The following SLC9A7 variants were observed in gnomAD, a reference collection of about 807,000 sequenced individuals.
SLC9A7 encodes solute carrier family 9 member A7.
SLC9A7 carries 19 observed loss-of-function variants against 52.6 expected under a neutral mutation model. The observed-to-expected ratio is 0.36, with a 90% CI of 0.25 to 0.53. The LOEUF (loss-of-function observed/expected upper bound fraction) is 0.53. SLC9A7 is among the 20% of genes least tolerant of loss of function. The pLI, the probability that SLC9A7 is intolerant of heterozygous loss-of-function variation, is 0.91. For synonymous variants in SLC9A7, 226 were observed against 252.1 expected, an observed-to-expected ratio of 0.90 and a Z score of 0.98; for missense variants, 455 against 597.9, an observed-to-expected ratio of 0.76 and a Z score of 2.49.
At chrX:46,669,572 C>T in intron 5 of SLC9A7, 35 bp downstream of exon 5, 1 of 767,864 alleles carries the variant, frequency 1.3e-6, no homozygotes, top group Non-Finnish European at 1.9e-6. Context: ...AATGGAATAT[C>T]ATAATAATAA....
At chrX:46,747,786 G>GT (rs1416991249) in intron 1 of SLC9A7, among the ~76,000 whole-genome samples, 1 of 111,667 alleles carries the variant, frequency 9.0e-6, no homozygotes, top group Non-Finnish European at 1.9e-5. Flanking sequence ...TACATGAAGG[G>GT]AAATACAAAT....
chrX:46,695,619 G>A (rs763832070), intron 1 of SLC9A7, among the ~76,000 whole-genome samples: 43 of 111,712 alleles, frequency 3.8e-4, no homozygotes, highest in Non-Finnish European at 7.7e-4. Flanking sequence ...AGGCTTTGTA[G>A]TCCCACTGCA....
intron 13 of SLC9A7, among the ~76,000 whole-genome samples, chrX:46,632,242 A>G (rs1198038678): frequency 8.9e-6 from 1 of 111,776 alleles, no homozygotes; most frequent in African/African-American, 3.3e-5. Flanking sequence ...CTTCCCCTAA[A>G]TACTTCACGT....
chrX:46,716,835 T>C (rs1250822354), intron 1 of SLC9A7, among the ~76,000 whole-genome samples: 1 of 112,205 alleles, frequency 8.9e-6, no homozygotes, highest in Non-Finnish European at 1.9e-5. Context: ...TCTAGTTCCC[T>C]GCTGTTTGGG....
chrX:46,679,841 A>G (rs2146863974), intron 2 of SLC9A7, 86 bp from the exon 3 acceptor site: 1 of 598,867 alleles, frequency 1.7e-6, no homozygotes, highest in East Asian at 3.7e-5. Context: ...GAAGCCATTG[A>G]CTAAAGTTTG....
chrX:46,646,732 G>A, intron 11 of SLC9A7: 1 of 301,627 alleles, frequency 3.3e-6, no homozygotes, highest in South Asian at 4.0e-5. Flanking sequence ...CAGTCAGCAG[G>A]TTCTGCTCTG....
intron 1 of SLC9A7, among the ~76,000 whole-genome samples, chrX:46,689,797 T>C (rs113230730): frequency 9.1e-5 from 10 of 109,324 alleles, no homozygotes; most frequent in African/African-American, 3.0e-4. Context: ...CAGGCCCTGG[T>C]GTGTGATGTT....
At chrX:46,666,249 G>C (rs1177154013) in intron 5 of SLC9A7, among the ~76,000 whole-genome samples, 2 of 111,524 alleles carry the variant, frequency 1.8e-5, no homozygotes, top group African/African-American at 6.5e-5. Flanking sequence ...TGGAACTATA[G>C]GCAATCACCA....
rs1921576364 is a variant in SLC9A7 at position 46,744,297 on chromosome X, G to A, written c.325+14408C>T. The stretch of plus-strand genomic sequence containing the variant: ...CTACACCCAGCTGCAAGACAGGCCA[G>A]GAAATGTAGTTTTCTTATTGCACAG... On this transcript the variant is annotated intron_variant, in intron 1 of 16. Coordinates refer to ENST00000616978, the MANE Select transcript of SLC9A7 (RefSeq NM_001257291.2). Among the ~76,000 whole-genome samples the A allele has an allele frequency of 2.7e-5, 3 of 112,546 alleles. No individual in the cohort carries two copies. In the South Asian group the frequency reaches 1.1e-3, roughly 41 times the overall value.
At chrX:46,646,074 G>GT (rs375690808) in intron 11 of SLC9A7, among the ~76,000 whole-genome samples, 23 of 109,081 alleles carry the variant, frequency 2.1e-4, no homozygotes, top group South Asian at 2.0e-3. Context: ...GGAGGAAACT[G>GT]TTTTTTTTTG....
In SLC9A7 at chrX:46,599,365, C is replaced by A. The variant is rs906152876; in HGVS notation, c.*7587G>T. On this transcript the variant is annotated 3_prime_UTR_variant, in exon 17 of 17. Coordinates refer to ENST00000616978, the MANE Select transcript of SLC9A7 (RefSeq NM_001257291.2). ...GAAAGCTGGAGAGGAATAGCTTACA[C>A]CCAGAAAAGAACCTCTCAGTGAGGG... 8.9e-6 allele frequency: 1 copy of A among 111,883 alleles called. No homozygotes were observed. Among genetic ancestry groups the A allele is most frequent in the Non-Finnish European group, 1.9e-5 (1 of 53,184 alleles). 9.2% of individuals were successfully genotyped at this position (111,883 alleles called of 1,213,427 possible). A position where few individuals can be genotyped will look rare whatever the true frequency, so the allele number is the denominator to read the frequency against.
chrX:46,723,018 T>C (rs1035567598), intron 1 of SLC9A7, among the ~76,000 whole-genome samples: 1 of 111,101 alleles, frequency 9.0e-6, no homozygotes, highest in African/African-American at 3.3e-5. Flanking sequence ...GACAAAGCAT[T>C]AGGCTCCTTA....
intron 1 of SLC9A7, among the ~76,000 whole-genome samples, chrX:46,738,102 AGAAAG>A (rs1356275785): frequency 1.2e-4 from 6 of 50,541 alleles, no homozygotes; most frequent in African/African-American, 2.2e-4. Context: ...AAAGAAAGAA[AGAAAG>A]AGAAAAGAAA....
intron 15 of SLC9A7, 79 bp from the exon 16 acceptor site, chrX:46,613,473 A>T: frequency 1.4e-6 from 1 of 693,163 alleles, no homozygotes. Context: ...ATTGCCCGAC[A>T]TTCCACCCAC....
Position 46,695,461 on chromosome X carries a change from A to G in SLC9A7, c.326-12926T>C, listed in dbSNP as rs145312500. 3.4e-3 allele frequency among the ~76,000 whole-genome samples: 379 copies of G among 112,430 alleles called. 2 individuals are homozygous for G. In the South Asian group the frequency reaches 0.037, roughly 11 times the overall value. On this transcript the variant is annotated intron_variant, in intron 1 of 16. Transcript: ENST00000616978. Reference sequence around the variant, plus strand: ...TGGAAGAAACAGAGGGGAATATACAATGACTCTCAGGAAGTGATAGCAGGT... The same window carrying G: ...TGGAAGAAACAGAGGGGAATATACAGTGACTCTCAGGAAGTGATAGCAGGT...
At chrX:46,656,127 G>A (rs1470262493) in intron 7 of SLC9A7, among the ~76,000 whole-genome samples, 3 of 111,328 alleles carry the variant, frequency 2.7e-5, no homozygotes, top group African/African-American at 9.8e-5. Context: ...CACCTCACAC[G>A]GCCGGTTACT....
intron 13 of SLC9A7, among the ~76,000 whole-genome samples, chrX:46,631,935 C>T (rs995967810): frequency 2.7e-5 from 3 of 112,140 alleles, no homozygotes; most frequent in Non-Finnish European, 5.6e-5. Context: ...TGCTTTTCTG[C>T]ACCAGGTGGT....
chrX:46,672,484 G>T, intron 4 of SLC9A7, 67 bp downstream of exon 4: 1 of 831,012 alleles, frequency 1.2e-6, no homozygotes, highest in Non-Finnish European at 1.8e-6. Context: ...TGGACTCTGT[G>T]GACCCAAATG....
At chrX:46,725,556 T>A in intron 1 of SLC9A7, 1 of 970,054 alleles carries the variant, frequency 1.0e-6, no homozygotes. Flanking sequence ...TTGTTCTATG[T>A]TGAATGACTA....
Sources: gnomAD v4.1 joint callset for allele counts (sites outside exome capture counted in the v4.1 genomes callset) on GRCh38, gnomAD v4.1.1 for gene constraint, MANE v1.5 for transcripts, NCBI Gene and HGNC (gene_info 2026-07-23, HGNC 2026-07-21) for gene names.